The following ENTPD3 variants were observed in gnomAD, a reference collection of about 807,000 sequenced individuals.
The protein encoded by ENTPD3 is CD39 antigen-like 3.
In ENTPD3, 60 loss-of-function variants were observed where a neutral mutation model predicts 51.2. The observed-to-expected ratio is 1.17, with a 90% CI of 0.95 to 1.45. The LOEUF (loss-of-function observed/expected upper bound fraction) is 1.45. ENTPD3 is among the 40% of genes most tolerant of loss of function. The pLI, the probability that ENTPD3 is intolerant of heterozygous loss-of-function variation, is 0.00. For synonymous variants in ENTPD3, 221 were observed against 238.4 expected (o/e 0.93, Z 0.67); for missense variants, 593 against 641.1 (o/e 0.93, Z 0.81).
chr3:40,399,378 T>A (rs7631893), intron 3 of ENTPD3: 1 of 151,974 alleles, frequency 6.6e-6, no homozygotes, highest in Non-Finnish European at 1.5e-5. Flanking sequence ...CCTGTATTTA[T>A]GAGTAGCCAT....
chr3:40,397,266 ACTGAACAGT>A (rs1372084712), intron 3 of ENTPD3, among the ~76,000 whole-genome samples: 1 of 151,772 alleles, frequency 6.6e-6, no homozygotes, highest in Non-Finnish European at 1.5e-5. Context: ...GCACCTGATT[ACTGAACAGT>A]CATGCCATTA....
intron 4 of ENTPD3, among the ~76,000 whole-genome samples, chr3:40,401,531 G>A (rs918276050): frequency 6.6e-6 from 1 of 152,208 alleles, no homozygotes; most frequent in Non-Finnish European, 1.5e-5. Context: ...GCCTTTTGCT[G>A]TGGAGGGAAA....
chr3:40,391,207 A>G (rs1553642077), intron 2 of ENTPD3: 1 of 151,792 alleles, frequency 6.6e-6, no homozygotes, highest in Non-Finnish European at 1.5e-5. Context: ...CAAGTGATCC[A>G]CCCACTTCGG....
At chr3:40,395,808 T>C (rs1340155722) in intron 3 of ENTPD3, among the ~76,000 whole-genome samples, 1 of 152,200 alleles carries the variant, frequency 6.6e-6, no homozygotes, top group Non-Finnish European at 1.5e-5. Flanking sequence ...TGGATAGTTC[T>C]ACATCACAGT....
At chr3:40,412,655 C>A (rs1027160152) in intron 5 of ENTPD3, among the ~76,000 whole-genome samples, 2 of 152,132 alleles carry the variant, frequency 1.3e-5, no homozygotes, top group Non-Finnish European at 2.9e-5. Context: ...GGTTTTATCA[C>A]AAGAAAACAA....
intron 5 of ENTPD3, 84 bp from the exon 6 acceptor site, chr3:40,414,597 T>C: frequency 5.5e-6 from 8 of 1,452,474 alleles, no homozygotes; most frequent in Middle Eastern, 1.8e-4. Flanking sequence ...ACGGTGAAGT[T>C]TGCATTTTCA....
In ENTPD3 at chr3:40,388,097, G is replaced by T; in HGVS notation, c.40G>T (p.Gly14Cys). Residue 14 changes from glycine to cysteine, a missense_variant and splice_region_variant, in exon 2 of 11, where the codon GGC (glycine) becomes TGC (cysteine). By Grantham distance (159) the Gly-to-Cys change is radical. Coordinates refer to ENST00000301825, the MANE Select transcript of ENTPD3 (RefSeq NM_001248.4). ...GACCCGCCAACCATGTGAGCAAGCAGGTTAGTATCTCTCAGCAGGTAGCAA... is the reference window on the plus strand; with the variant it reads ...GACCCGCCAACCATGTGAGCAAGCATGTTAGTATCTCTCAGCAGGTAGCAA... ...VLTRQPCEQA[G>C]LKALYRTPTI... 1 of 1,614,130 alleles carries T rather than the reference G, an allele frequency of 6.2e-7. No individual in the cohort carries two copies. Among genetic ancestry groups the T allele is most frequent in the South Asian group, 1.1e-5 (1 of 91,060 alleles).
intron 2 of ENTPD3, among the ~76,000 whole-genome samples, chr3:40,388,758 C>T (rs1418011995): frequency 6.6e-6 from 1 of 152,208 alleles, no homozygotes; most frequent in African/African-American, 2.4e-5. Flanking sequence ...AATGACAGCA[C>T]AGCTCTAGGC....
chr3:40,404,025 A>G (rs929689517), intron 4 of ENTPD3, among the ~76,000 whole-genome samples: 2 of 151,704 alleles, frequency 1.3e-5, no homozygotes, highest in East Asian at 3.9e-4. Flanking sequence ...TCAACCAGCG[A>G]TCCTCTATCT....
At chr3:40,415,775 G>A in intron 6 of ENTPD3, 65 bp from the exon 7 acceptor site, 1 of 1,316,220 alleles carries the variant, frequency 7.6e-7, no homozygotes, top group South Asian at 1.2e-5. Flanking sequence ...CTTGGGTGGA[G>A]AACTCTGGGC....
At chr3:40,403,949 G>T (rs2125596095) in intron 4 of ENTPD3, among the ~76,000 whole-genome samples, 1 of 152,216 alleles carries the variant, frequency 6.6e-6, no homozygotes, top group East Asian at 1.9e-4. Flanking sequence ...GCACCCAGCG[G>T]ATATTTTCTG....
At position 40,415,900 on chromosome 3, in the gene ENTPD3, T is replaced by A. The variant is rs367905314; in HGVS notation, c.658T>A (p.Leu220Ile). The change falls in exon 7 of 11, where the codon TTA becomes ATA. Residue 220 changes from leucine to isoleucine, a missense_variant. By Grantham distance (5) the Leu-to-Ile change is conservative (BLOSUM62 2). Coordinates refer to ENST00000301825, the MANE Select transcript of ENTPD3 (RefSeq NM_001248.4). The part of the protein sequence containing the change: ...HGVETTGALD[L>I]GGASTQISFV... ...AGTGGAAACCACGGGTGCCCTGGAC[T>A]TAGGTGGTGCCTCCACCCAAATATC... The A allele has an allele frequency of 1.9e-6, 3 of 1,614,002 alleles. No individual in the cohort carries two copies. Among genetic ancestry groups the A allele is most frequent in the Non-Finnish European group, 2.5e-6 (3 of 1,180,012 alleles).
chr3:40,409,164 A>G (rs538586140), intron 4 of ENTPD3, among the ~76,000 whole-genome samples: 4 of 152,214 alleles, frequency 2.6e-5, no homozygotes, highest in East Asian at 3.9e-4. Context: ...AGGCAGGAGA[A>G]TCACTTGAAC....
intron 2 of ENTPD3, chr3:40,390,948 G>A (rs964040994): frequency 1.3e-5 from 2 of 151,988 alleles, no homozygotes; most frequent in African/African-American, 2.4e-5. Flanking sequence ...GTATAGTATA[G>A]TACTAATTTT....
intron 10 of ENTPD3, among the ~76,000 whole-genome samples, chr3:40,426,107 C>CTTTTTTTTTT (rs35267876): frequency 1.2e-4 from 14 of 112,442 alleles, no homozygotes; most frequent in African/African-American, 1.6e-4. Flanking sequence ...TTTTTCTTTT[C>CTTTTTTTTTT]TTTTTTTTTT....
intron 5 of ENTPD3, among the ~76,000 whole-genome samples, chr3:40,413,253 A>AT (rs1955674982): frequency 6.6e-6 from 1 of 152,072 alleles, no homozygotes; most frequent in South Asian, 2.1e-4. Flanking sequence ...TTCAATTCCC[A>AT]TTTTCAGACT....
chr3:40,421,582 T>C (rs1317236924), intron 7 of ENTPD3, among the ~76,000 whole-genome samples: 1 of 152,182 alleles, frequency 6.6e-6, no homozygotes, highest in African/African-American at 2.4e-5. Flanking sequence ...GATATTTGTT[T>C]GTAATGGCAA....
At chr3:40,388,249 C>T in intron 2 of ENTPD3, 152 bp downstream of exon 2, 2 of 680,766 alleles carry the variant, frequency 2.9e-6, no homozygotes, top group South Asian at 3.6e-5. Context: ...TCAACACCGG[C>T]ATTCCTCAAA....
chr3:40,423,486 C>T (rs966744222), intron 9 of ENTPD3, 85 bp downstream of exon 9: 2 of 965,274 alleles, frequency 2.1e-6, no homozygotes, highest in Admixed American at 4.5e-5. Context: ...TGAATTTAGC[C>T]TTTATGCTCT....
Sources: gnomAD v4.1 joint callset for allele counts (sites outside exome capture counted in the v4.1 genomes callset) on GRCh38, gnomAD v4.1.1 for gene constraint, MANE v1.5 for transcripts, NCBI Gene and HGNC (gene_info 2026-07-23, HGNC 2026-07-21) for gene names.